Variants in MAGI3 observed in about 807,000 individuals in gnomAD.
MAGI3 encodes membrane associated guanylate kinase, WW and PDZ domain containing 3, also known as membrane-associated guanylate kinase, WW and PDZ domain-containing protein 3.
MAGI3 carries 43 observed loss-of-function variants against 121.8 expected under a neutral mutation model. The observed-to-expected ratio is 0.35, with a 90% CI of 0.28 to 0.46. MAGI3 has a LOEUF of 0.46. Among genes scored for constraint, MAGI3 ranks in the 20% least tolerant of loss-of-function variants. The probability of loss-of-function intolerance (pLI) is 1.00; values close to 1 mark genes in which losing one functional copy is unlikely to be tolerated. For missense variants in MAGI3, 1,547 were observed against 1,797.3 expected, an observed-to-expected ratio of 0.86 and a Z score of 2.52; for synonymous variants, 553 against 639.3, an observed-to-expected ratio of 0.86 and a Z score of 2.04.
intron 1 of MAGI3, among the ~76,000 whole-genome samples, chr1:113,424,354 C>T (rs1652893510): frequency 6.6e-6 from 1 of 152,080 alleles, no homozygotes; most frequent in African/African-American, 2.4e-5. Flanking sequence ...AGAACAGTTC[C>T]ATCACCAAAA....
intron 1 of MAGI3, among the ~76,000 whole-genome samples, chr1:113,402,419 AAT>A (rs1256349113): frequency 1.3e-5 from 2 of 152,204 alleles, no homozygotes; most frequent in African/African-American, 4.8e-5. Flanking sequence ...ATAATAGCTG[AAT>A]AGTTAAGTAT....
intron 6 of MAGI3, among the ~76,000 whole-genome samples, chr1:113,598,066 G>A (rs1649127367): frequency 6.6e-6 from 1 of 152,040 alleles, no homozygotes; most frequent in African/African-American, 2.4e-5. Flanking sequence ...ACAAAAATTA[G>A]CCAGACATGG....
intron 1 of MAGI3, among the ~76,000 whole-genome samples, chr1:113,442,206 C>A (rs908730742): frequency 6.6e-6 from 1 of 152,066 alleles, no homozygotes; most frequent in Non-Finnish European, 1.5e-5. Context: ...ATATACTTTA[C>A]TGTGACAACT....
intron 1 of MAGI3, among the ~76,000 whole-genome samples, chr1:113,434,146 C>T (rs758760646): frequency 3.9e-5 from 6 of 152,126 alleles, no homozygotes; most frequent in Admixed American, 6.6e-5. Context: ...ATCTTCTGAC[C>T]ACAAATGCAT....
At chr1:113,532,023 T>G (rs542908310) in intron 1 of MAGI3, among the ~76,000 whole-genome samples, 24 of 152,308 alleles carry the variant, frequency 1.6e-4, no homozygotes, top group African/African-American at 5.3e-4. Flanking sequence ...CAAACATCAG[T>G]GGTTCTTTTA....
rs768940931 is a variant in MAGI3, at chr1:113,685,634, ATTT to A, written c.*1621_*1623del. On this transcript the variant is annotated 3_prime_UTR_variant, in exon 21 of 21. Coordinates refer to ENST00000307546, the MANE Select transcript of MAGI3 (RefSeq NM_001142782.2). Reference sequence around the variant, plus strand: ...CTAAGAATTTAGTACCACAGAAATTATTTATTATTTTCCCTGTAGTCCACAATT... The same window carrying A: ...CTAAGAATTTAGTACCACAGAAATTAATTATTTTCCCTGTAGTCCACAATT... The A allele has an allele frequency of 5.3e-5, 8 of 152,344 alleles. No individual in the cohort carries two copies. In the East Asian group the frequency reaches 1.3e-3, roughly 25 times the overall value. 9.4% of individuals were successfully genotyped at this position (152,344 alleles called of 1,614,324 possible). A position where few individuals can be genotyped will look rare whatever the true frequency, so the allele number is the denominator to read the frequency against.
intron 9 of MAGI3, among the ~76,000 whole-genome samples, chr1:113,633,053 CT>C: frequency 9.9e-6 from 1 of 100,880 alleles, no homozygotes; most frequent in South Asian, 4.6e-4. Flanking sequence ...TCCCTCCCCC[CT>C]CCCCCCACCC....
At chr1:113,458,636 A>G (rs1162508774) in intron 1 of MAGI3, among the ~76,000 whole-genome samples, 2 of 152,154 alleles carry the variant, frequency 1.3e-5, no homozygotes, top group East Asian at 3.9e-4. Flanking sequence ...CCAGGCTCCC[A>G]GGTAGCAGCT....
intron 1 of MAGI3, chr1:113,404,022 G>A (rs1299209155): frequency 6.6e-6 from 1 of 151,730 alleles, no homozygotes; most frequent in Non-Finnish European, 1.5e-5. Context: ...GCCTGTAGTT[G>A]GAATAATCAT....
chr1:113,521,468 C>T (rs550419097), intron 1 of MAGI3, among the ~76,000 whole-genome samples: 3 of 149,000 alleles, frequency 2.0e-5, no homozygotes, highest in East Asian at 4.0e-4. Context: ...AGTGTAGTGG[C>T]GTGATCTCAG....
At chr1:113,510,216 T>C (rs2101609665) in intron 1 of MAGI3, among the ~76,000 whole-genome samples, 1 of 152,320 alleles carries the variant, frequency 6.6e-6, no homozygotes. Flanking sequence ...ATCTCCTGCA[T>C]ATTGTTGGTA....
At position 113,454,385 on chromosome 1, in the gene MAGI3, A is replaced by G. The variant is rs1192524884; in HGVS notation, c.316+63036A>G. Among the ~76,000 whole-genome samples the G allele has an allele frequency of 4.6e-5, 7 of 152,170 alleles. No homozygotes were observed. In the East Asian group the frequency reaches 1.3e-3, roughly 29 times the overall value. On this transcript the variant is annotated intron_variant, in intron 1 of 20. Coordinates refer to ENST00000307546, the MANE Select transcript of MAGI3 (RefSeq NM_001142782.2). ...GCTAACAAGTATGACCTGTCCGTAC[A>G]TTTTAATTTCACTTAGTAGCTGTGT...
At chr1:113,598,284 G>A (rs7517631) in intron 6 of MAGI3, among the ~76,000 whole-genome samples, 3 of 124,200 alleles carry the variant, frequency 2.4e-5, no homozygotes, top group Non-Finnish European at 4.9e-5. Context: ...AGAAAACAAA[G>A]TACTAGGTAA....
intron 1 of MAGI3, among the ~76,000 whole-genome samples, chr1:113,435,935 G>A (rs755602666): frequency 5.9e-5 from 9 of 152,020 alleles, no homozygotes; most frequent in Non-Finnish European, 1.0e-4. Flanking sequence ...GGTACTTATA[G>A]CATCTGCTTA....
chr1:113,488,112 A>G (rs1384222011), intron 1 of MAGI3, among the ~76,000 whole-genome samples: 3 of 152,172 alleles, frequency 2.0e-5, no homozygotes, highest in Non-Finnish European at 4.4e-5. Flanking sequence ...CTACTATTTT[A>G]ACTTACCGTT....
chr1:113,441,842 A>G (rs1176892594), intron 1 of MAGI3, among the ~76,000 whole-genome samples: 1 of 152,196 alleles, frequency 6.6e-6, no homozygotes, highest in Non-Finnish European at 1.5e-5. Flanking sequence ...AGTACTTCAT[A>G]TGTATTAATT....
chr1:113,581,974 C>G (rs917072965), intron 3 of MAGI3, among the ~76,000 whole-genome samples: 1 of 151,872 alleles, frequency 6.6e-6, no homozygotes, highest in Non-Finnish European at 1.5e-5. Context: ...GCCCTCTCCC[C>G]TTAAATGATG....
intron 1 of MAGI3, among the ~76,000 whole-genome samples, chr1:113,544,761 C>G (rs1280238291): frequency 6.6e-6 from 1 of 152,192 alleles, no homozygotes; most frequent in Non-Finnish European, 1.5e-5. Context: ...AGATAGCTCA[C>G]TGTCTGAAGA....
intron 6 of MAGI3, among the ~76,000 whole-genome samples, chr1:113,605,206 G>A (rs950612479): frequency 3.3e-5 from 5 of 152,040 alleles, no homozygotes; most frequent in Non-Finnish European, 7.4e-5. Context: ...GATTATGACA[G>A]CCTTTCTCTT....
Sources: gnomAD v4.1 joint callset for allele counts (sites outside exome capture counted in the v4.1 genomes callset) on GRCh38, gnomAD v4.1.1 for gene constraint, MANE v1.5 for transcripts, NCBI Gene and HGNC (gene_info 2026-07-23, HGNC 2026-07-21) for gene names.